The following RCOR1 variants were observed in gnomAD, a reference collection of about 807,000 sequenced individuals.
RCOR1 encodes the protein REST corepressor.
RCOR1 carries 12 observed loss-of-function variants against 64.0 expected under a neutral mutation model. The ratio of observed to expected loss-of-function variants is 0.19; its 90% CI spans 0.12 to 0.30. The LOEUF (loss-of-function observed/expected upper bound fraction) is 0.30, where lower values mean the gene tolerates loss of function less well. Ranked by LOEUF, RCOR1 falls within the 10% of genes least tolerant of loss-of-function variation. RCOR1 has a pLI of 1.00. For synonymous variants in RCOR1, 279 were observed against 227.2 expected, an observed-to-expected ratio of 1.23 and a Z score of -2.05; for missense variants, 502 against 621.2, an observed-to-expected ratio of 0.81 and a Z score of 2.04.
chr14:102,682,744 T>G (rs1209481516), intron 3 of RCOR1, among the ~76,000 whole-genome samples: 1 of 152,184 alleles, frequency 6.6e-6, no homozygotes, highest in Non-Finnish European at 1.5e-5. Flanking sequence ...TTTTTGAACC[T>G]TTATGCCAGC....
intron 3 of RCOR1, among the ~76,000 whole-genome samples, chr14:102,682,264 G>A (rs1895321277): frequency 6.6e-6 from 1 of 152,066 alleles, no homozygotes; most frequent in Admixed American, 6.5e-5. Context: ...TGAATAGCTG[G>A]GATTACAGGC....
chr14:102,639,759 C>A (rs1894326925), intron 2 of RCOR1, among the ~76,000 whole-genome samples: 1 of 151,636 alleles, frequency 6.6e-6, no homozygotes, highest in Non-Finnish European at 1.5e-5. Context: ...TCTTGAACTC[C>A]CAGCCTCAGA....
intron 3 of RCOR1, among the ~76,000 whole-genome samples, chr14:102,683,830 C>G (rs1315455282): frequency 6.6e-6 from 1 of 152,244 alleles, no homozygotes; most frequent in East Asian, 1.9e-4. Context: ...AGTGCTGGGC[C>G]TCAAGTTCAT....
intron 2 of RCOR1, among the ~76,000 whole-genome samples, chr14:102,629,336 C>T (rs1049097938): frequency 9.2e-5 from 14 of 152,094 alleles, no homozygotes; most frequent in African/African-American, 2.9e-4. Flanking sequence ...TTATCGTCAT[C>T]TAACACACTT....
intron 2 of RCOR1, among the ~76,000 whole-genome samples, chr14:102,678,301 T>G (rs183517426): frequency 2.7e-4 from 41 of 152,088 alleles, no homozygotes; most frequent in African/African-American, 5.3e-4. Flanking sequence ...AGGTGCTTTT[T>G]TTTGTTTGTT....
chr14:102,702,378 C>T (rs1246071760), intron 4 of RCOR1, among the ~76,000 whole-genome samples: 3 of 151,986 alleles, frequency 2.0e-5, no homozygotes, highest in African/African-American at 7.2e-5. Context: ...ATAAAAATTA[C>T]CATTAGCAAA....
chr14:102,689,176 A>G (rs1895481756), intron 3 of RCOR1, among the ~76,000 whole-genome samples: 1 of 152,238 alleles, frequency 6.6e-6, no homozygotes, highest in Admixed American at 6.5e-5. Context: ...TTGTAGGCCC[A>G]GTCTGGTTCC....
chr14:102,628,688 G>A (rs1041953358), intron 2 of RCOR1, among the ~76,000 whole-genome samples: 4 of 152,072 alleles, frequency 2.6e-5, no homozygotes, highest in African/African-American at 7.2e-5. Context: ...CCGAGAGGTG[G>A]GATTACAGGC....
chr14:102,673,275 A>T (rs947941662), intron 2 of RCOR1, among the ~76,000 whole-genome samples: 16 of 149,598 alleles, frequency 1.1e-4, no homozygotes, highest in Non-Finnish European at 7.4e-5. Context: ...TGTAGATCTG[A>T]TTTTGTTTTC....
At chr14:102,622,866 G>C (rs1307963390) in intron 2 of RCOR1, among the ~76,000 whole-genome samples, 1 of 152,164 alleles carries the variant, frequency 6.6e-6, no homozygotes, top group African/African-American at 2.4e-5. Context: ...ATGCGCTCCT[G>C]ATTTTTGCTG....
chr14:102,597,416 T>C (rs556998937), intron 2 of RCOR1, among the ~76,000 whole-genome samples: 6 of 149,412 alleles, frequency 4.0e-5, no homozygotes, highest in Admixed American at 3.3e-4. Flanking sequence ...GCAACCTCCA[T>C]CTCCTGGGTT....
At chr14:102,617,961 C>CTTT (rs869074425) in intron 2 of RCOR1, among the ~76,000 whole-genome samples, 2 of 135,400 alleles carry the variant, frequency 1.5e-5, no homozygotes, top group African/African-American at 2.7e-5. Context: ...ACATAAGTTT[C>CTTT]TTTTTTTTTT....
chr14:102,690,796 G>A (rs543494577), intron 3 of RCOR1, among the ~76,000 whole-genome samples: 26 of 151,962 alleles, frequency 1.7e-4, no homozygotes, highest in Non-Finnish European at 2.8e-4. Flanking sequence ...TATGTCTCTC[G>A]TCTCTCTCCA....
chr14:102,622,756 C>A (rs1893900484), intron 2 of RCOR1, among the ~76,000 whole-genome samples: 1 of 152,134 alleles, frequency 6.6e-6, no homozygotes, highest in Non-Finnish European at 1.5e-5. Flanking sequence ...TGTTACTAGG[C>A]TTCACAGTAG....
chr14:102,656,134 T>C (rs1412365944), intron 2 of RCOR1: 1 of 975,216 alleles, frequency 1.0e-6, no homozygotes, highest in Admixed American at 6.2e-5. Flanking sequence ...CTGAGATTTT[T>C]TTATTTTTTT....
chr14:102,618,806 G>C (rs1248858443), intron 2 of RCOR1, among the ~76,000 whole-genome samples: 3 of 152,132 alleles, frequency 2.0e-5, no homozygotes, highest in African/African-American at 4.8e-5. Context: ...AAACCTAGGG[G>C]CTTGGTGGGA....
intron 4 of RCOR1, among the ~76,000 whole-genome samples, chr14:102,702,831 A>C (rs1895777646): frequency 6.6e-6 from 1 of 152,242 alleles, no homozygotes; most frequent in East Asian, 1.9e-4. Context: ...GCATACAAAG[A>C]AATGGTAAAG....
rs1414260674 is a variant in RCOR1 at position 102,677,912 on chromosome 14, T to C, written c.362-3983T>C. 1.1e-4 allele frequency among the ~76,000 whole-genome samples: 17 copies of C among 151,480 alleles called. No individual in the cohort carries two copies. In the South Asian group the frequency reaches 3.5e-3, roughly 32 times the overall value. ...CCACTGCACTCCAGCCTGGGCACCA[T>C]TGAGCACTGAGTGAACGAGACTCCG... On this transcript the variant is annotated intron_variant, in intron 2 of 11. Coordinates refer to ENST00000262241, the MANE Select transcript of RCOR1 (RefSeq NM_015156.4).
intron 2 of RCOR1, among the ~76,000 whole-genome samples, chr14:102,606,965 A>G (rs1893524133): frequency 1.6e-5 from 2 of 124,890 alleles, no homozygotes; most frequent in Non-Finnish European, 3.2e-5. Flanking sequence ...ACGAAGTCTC[A>G]CTCTGTCGCC....
Sources: gnomAD v4.1 joint callset for allele counts (sites outside exome capture counted in the v4.1 genomes callset) on GRCh38, gnomAD v4.1.1 for gene constraint, MANE v1.5 for transcripts, NCBI Gene and HGNC (gene_info 2026-07-23, HGNC 2026-07-21) for gene names.